Variants in OXR1 observed in about 807,000 individuals in gnomAD.
OXR1 encodes oxidation resistance protein 1.
OXR1 carries 41 observed loss-of-function variants against 104.6 expected under a neutral mutation model. The ratio of observed to expected loss-of-function variants is 0.39; its 90% CI spans 0.31 to 0.51. The LOEUF (loss-of-function observed/expected upper bound fraction) is 0.51, where lower values mean the gene tolerates loss of function less well. Ranked by LOEUF, OXR1 falls within the 20% of genes least tolerant of loss-of-function variation. The pLI, the probability that OXR1 is intolerant of heterozygous loss-of-function variation, is 0.77. For synonymous variants in OXR1, 348 were observed against 348.4 expected (o/e 1.00, Z 0.01); for missense variants, 955 against 1,031.9 (o/e 0.93, Z 1.02).
At chr8:106,387,581 C>G (rs1040347146) in intron 2 of OXR1, among the ~76,000 whole-genome samples, 2 of 152,082 alleles carry the variant, frequency 1.3e-5, no homozygotes, top group Admixed American at 1.3e-4. Context: ...GGAATACTTA[C>G]CTTTTAATGG....
At chr8:106,427,447 A>C (rs1361401989) in intron 2 of OXR1, among the ~76,000 whole-genome samples, 1 of 152,080 alleles carries the variant, frequency 6.6e-6, no homozygotes, top group Non-Finnish European at 1.5e-5. Context: ...GATTACAGGC[A>C]TGAATTGATT....
intron 2 of OXR1, among the ~76,000 whole-genome samples, chr8:106,434,258 A>C (rs1429292024): frequency 6.6e-6 from 1 of 152,200 alleles, no homozygotes; most frequent in Non-Finnish European, 1.5e-5. Context: ...CTGTGGCCCC[A>C]GTGGTAATAG....
At chr8:106,747,302 A>G (rs752995474) in intron 16 of OXR1, among the ~76,000 whole-genome samples, 1 of 152,234 alleles carries the variant, frequency 6.6e-6, no homozygotes, top group Non-Finnish European at 1.5e-5. Flanking sequence ...ATTCACAAGG[A>G]TATAATTTTT....
intron 1 of OXR1, among the ~76,000 whole-genome samples, chr8:106,306,520 T>TA (rs5893784): frequency 0.26 from 37,849 of 145,704 alleles, 5,681 homozygotes; most frequent in East Asian, 0.56. Context: ...AGCTAAAAAC[T>TA]AAAAAAAAAA....
At chr8:106,426,835 T>A (rs1819140565) in intron 2 of OXR1, among the ~76,000 whole-genome samples, 1 of 152,204 alleles carries the variant, frequency 6.6e-6, no homozygotes, top group Admixed American at 6.5e-5. Flanking sequence ...TGGATACTAT[T>A]ATTATAATCA....
chr8:106,479,507 C>T (rs2129728713), intron 2 of OXR1, among the ~76,000 whole-genome samples: 1 of 152,062 alleles, frequency 6.6e-6, no homozygotes, highest in Non-Finnish European at 1.5e-5. Flanking sequence ...TTGTATAATT[C>T]CAGAGAGCAC....
chr8:106,718,754 G>A (rs1439230021), intron 11 of OXR1, among the ~76,000 whole-genome samples: 2 of 151,770 alleles, frequency 1.3e-5, no homozygotes, highest in African/African-American at 4.8e-5. Context: ...CAGGAGAATG[G>A]CGTGAACCTG....
chr8:106,677,351 T>C (rs1264056226), intron 3 of OXR1, among the ~76,000 whole-genome samples: 1 of 152,132 alleles, frequency 6.6e-6, no homozygotes, highest in Non-Finnish European at 1.5e-5. Context: ...ATTTTCTCAT[T>C]AGAGAAGCAA....
intron 15 of OXR1, 81 bp downstream of exon 15, chr8:106,742,398 A>G (rs1587312080): frequency 1.3e-6 from 1 of 756,440 alleles, no homozygotes; most frequent in Non-Finnish European, 2.2e-6. Flanking sequence ...ATTCAGTGCT[A>G]TTCCCATTAA....
Position 106,468,295 on chromosome 8 carries a change from A to G in OXR1, c.24-50648A>G, listed in dbSNP as rs146529798. Among the ~76,000 whole-genome samples, 112 of 151,876 alleles carry G rather than the reference A, an allele frequency of 7.4e-4. 1 individual carries two copies. In the East Asian group the frequency reaches 0.014, roughly 19 times the overall value. ...GAAAGTGACAAGTGCTATGAAGAAA[A>G]CTAAACAATTTTTGAGTTTACTTTA... is the stretch of plus-strand genomic sequence containing the variant. On this transcript the variant is annotated intron_variant, in intron 2 of 16. Coordinates refer to ENST00000517566, the MANE Select transcript of OXR1 (RefSeq NM_001198533.2).
chr8:106,727,501 C>G (rs890159571), intron 11 of OXR1, among the ~76,000 whole-genome samples: 3 of 152,120 alleles, frequency 2.0e-5, no homozygotes, highest in Non-Finnish European at 2.9e-5. Flanking sequence ...TCACTTCAAC[C>G]TGGGCTCCTG....
chr8:106,645,273 G>A (rs182740683), intron 3 of OXR1, among the ~76,000 whole-genome samples: 17 of 152,268 alleles, frequency 1.1e-4, no homozygotes, highest in South Asian at 4.1e-4. Flanking sequence ...AGTAGGGTAG[G>A]TACAAATTGG....
At chr8:106,706,264 G>A (rs761978491) in intron 8 of OXR1, 118 bp from the exon 9 acceptor site, 23 of 610,968 alleles carry the variant, frequency 3.8e-5, no homozygotes, top group Non-Finnish European at 5.6e-5. Flanking sequence ...TTGGAGATAC[G>A]TGCTACATCC....
chr8:106,750,966 G>A lies in OXR1; in HGVS notation c.*25G>A, dbSNP rs749354163. The A allele has an allele frequency of 2.5e-5, 40 of 1,575,040 alleles. No individual in the cohort carries two copies. In the Admixed American group the frequency reaches 4.4e-4, roughly 17 times the overall value. ...AATAAAATGCTCTCTGTCTTAGCAG[G>A]AGAATGGCCCAAACCTGACATGGAC... On this transcript the variant is annotated 3_prime_UTR_variant, in exon 17 of 17. Transcript: ENST00000517566.
At chr8:106,455,775 A>C (rs1206951918) in intron 2 of OXR1, among the ~76,000 whole-genome samples, 2 of 152,176 alleles carry the variant, frequency 1.3e-5, no homozygotes, top group African/African-American at 2.4e-5. Flanking sequence ...AAGAAAAGGA[A>C]GTTTGAAAGT....
At chr8:106,406,814 C>A (rs1371850330) in intron 2 of OXR1, among the ~76,000 whole-genome samples, 1 of 152,132 alleles carries the variant, frequency 6.6e-6, no homozygotes, top group Non-Finnish European at 1.5e-5. Context: ...GAATGTATAT[C>A]AAGAGTAAAT....
intron 3 of OXR1, among the ~76,000 whole-genome samples, chr8:106,587,801 G>C (rs925986798): frequency 2.6e-5 from 4 of 152,008 alleles, no homozygotes; most frequent in Admixed American, 2.6e-4. Context: ...GAATCACTGA[G>C]TATAATCATT....
At chr8:106,328,247 G>A (rs1431579507) in intron 1 of OXR1, among the ~76,000 whole-genome samples, 3 of 152,130 alleles carry the variant, frequency 2.0e-5, no homozygotes, top group Non-Finnish European at 4.4e-5. Flanking sequence ...ATAAGTCTTT[G>A]TCCAGAAGAA....
At chr8:106,289,807 A>C (rs1300764112) in intron 1 of OXR1, among the ~76,000 whole-genome samples, 1 of 152,116 alleles carries the variant, frequency 6.6e-6, no homozygotes. Flanking sequence ...GTGTCATGGG[A>C]GTGACCCAGT....
Sources: gnomAD v4.1 joint callset for allele counts (sites outside exome capture counted in the v4.1 genomes callset) on GRCh38, gnomAD v4.1.1 for gene constraint, MANE v1.5 for transcripts, NCBI Gene and HGNC (gene_info 2026-07-23, HGNC 2026-07-21) for gene names.